Variants in OTOF observed in about 807,000 individuals in gnomAD.
OTOF encodes otoferlin.
In OTOF, 218 loss-of-function variants were observed where a neutral mutation model predicts 236.8. That is an observed-to-expected ratio of 0.92 (90% CI 0.82 to 1.03). The LOEUF is 1.03. Among genes scored for constraint, OTOF ranks in the 50% least tolerant of loss-of-function variants. The pLI, the probability that OTOF is intolerant of heterozygous loss-of-function variation, is 0.00. For synonymous variants in OTOF, 1,041 were observed against 1,072.5 expected (o/e 0.97, Z 0.57); for missense variants, 2,590 against 2,694.4 (o/e 0.96, Z 0.86).
At chr2:26,512,541 C>T (rs780422093) in intron 5 of OTOF, among the ~76,000 whole-genome samples, 5 of 152,198 alleles carry the variant, frequency 3.3e-5, no homozygotes, top group Non-Finnish European at 5.9e-5. Context: ...GAGAGTGGAG[C>T]GCCCATGAGG....
chr2:26,525,019 C>T (rs773866311), intron 3 of OTOF, among the ~76,000 whole-genome samples: 34 of 152,300 alleles, frequency 2.2e-4, no homozygotes, highest in Middle Eastern at 6.8e-3. Context: ...CCACTTGTTC[C>T]TGTTTCTCCT....
At chr2:26,459,167 G>A (rs1053522614) in intron 46 of OTOF, among the ~76,000 whole-genome samples, 24 of 152,186 alleles carry the variant, frequency 1.6e-4, no homozygotes, top group Non-Finnish European at 1.6e-4. Context: ...GGTCACACAC[G>A]GGTGAGAGCC....
intron 3 of OTOF, among the ~76,000 whole-genome samples, chr2:26,520,924 C>G (rs1251332823): frequency 1.3e-5 from 2 of 152,176 alleles, no homozygotes; most frequent in Non-Finnish European, 1.5e-5. Flanking sequence ...CTGGGATATC[C>G]TCTTCTGTGG....
At chr2:26,491,904 T>C (rs1665851916) in intron 9 of OTOF, among the ~76,000 whole-genome samples, 1 of 152,244 alleles carries the variant, frequency 6.6e-6, no homozygotes, top group South Asian at 2.1e-4. Context: ...TTCCTGTTAT[T>C]TCCTGAGCAT....
In OTOF at chr2:26,506,529, C is replaced by T. The variant is rs148762433; in HGVS notation, c.510-2684G>A. On this transcript the variant is annotated intron_variant, in intron 5 of 46. Coordinates refer to ENST00000272371, the MANE Select transcript of OTOF (RefSeq NM_194248.3). ...TGGGATCTGGCCCTGCTGCCTGAGT[C>T]CCGGGGGGAGTGCAAGGTAGCAAGA... is the stretch of plus-strand genomic sequence containing the variant. Among the ~76,000 whole-genome samples the T allele has an allele frequency of 3.3e-3, 501 of 152,318 alleles. 5 individuals carry two copies. Among genetic ancestry groups the T allele is most frequent in the Non-Finnish European group, 5.6e-3 (380 of 68,016 alleles).
At chr2:26,518,803 G>A (rs1666600575) in intron 4 of OTOF, among the ~76,000 whole-genome samples, 1 of 152,242 alleles carries the variant, frequency 6.6e-6, no homozygotes, top group South Asian at 2.1e-4. Flanking sequence ...CTACTGTGGG[G>A]CAGCAGACCC....
chr2:26,459,919 T>C, intron 46 of OTOF, 89 bp downstream of exon 46: 1 of 1,260,822 alleles, frequency 7.9e-7, no homozygotes, highest in South Asian at 1.3e-5. Context: ...TATGCATATT[T>C]GTGTTTGTGG....
chr2:26,551,236 C>T (rs903780074), intron 1 of OTOF, among the ~76,000 whole-genome samples: 1 of 152,248 alleles, frequency 6.6e-6, no homozygotes, highest in Non-Finnish European at 1.5e-5. Context: ...ATGATCCCCC[C>T]CGCCTTGGCC....
chr2:26,550,700 C>G (rs962835183), intron 1 of OTOF, among the ~76,000 whole-genome samples: 16 of 152,170 alleles, frequency 1.1e-4, no homozygotes, highest in South Asian at 2.1e-4. Context: ...CTGATCCCAG[C>G]GCCGCTCCTT....
chr2:26,479,258 C>A lies in OTOF; in HGVS notation c.2214+6G>T. 1 of 1,612,476 alleles carries A rather than the reference C, an allele frequency of 6.2e-7. No homozygotes were observed. Among genetic ancestry groups the A allele is most frequent in the Non-Finnish European group, 8.5e-7 (1 of 1,179,860 alleles). On this transcript the variant is annotated splice_donor_region_variant and intron_variant, in intron 18 of 46. Transcript: ENST00000272371. Reference sequence around the variant, plus strand: ...CACCCCTGCTGGCCCCTGGCCTGGCCCTGACCAGCTTGTCGGCAATGTGGT... The same window carrying A: ...CACCCCTGCTGGCCCCTGGCCTGGCACTGACCAGCTTGTCGGCAATGTGGT...
chr2:26,471,860 CATGCACAT>C (rs1172091380), intron 30 of OTOF, among the ~76,000 whole-genome samples: 2 of 151,542 alleles, frequency 1.3e-5, no homozygotes, highest in East Asian at 1.9e-4. Flanking sequence ...CACATGCACA[CATGCACAT>C]ATGCACACAA....
At position 26,460,125 on chromosome 2, in the gene OTOF, A is replaced by G. The variant is rs1423575353; in HGVS notation, c.5894T>C (p.Leu1965Pro). The G allele has an allele frequency of 6.3e-7, 1 of 1,596,414 alleles. No individual in the cohort carries two copies. The highest frequency in any genetic ancestry group is 8.5e-7 in the Non-Finnish European group (1 of 1,171,790). ...CAGGAGCAGCAACAGTTTGAGGAGC[A>G]GCCAGCGATACGTGTGCCACAAGAA... ...RYFLWHTYRW[L>P]LLKLLLLLLL... is the part of the protein sequence containing the mutation. Residue 1965 changes from leucine (L) to proline (P), a missense_variant, in exon 46 of 47, where the codon CTG becomes CCG. Leu to Pro is a moderately conservative substitution (Grantham distance 98). This residue lies in a region of OTOF where 1,211 missense variants were observed against 1,352.8 expected (regional missense o/e 0.90). Transcript: ENST00000272371. This position sits in a 1 kb window ranked among gnomAD's most constrained non-coding sequence, Gnocchi z 5.3.
In OTOF at chr2:26,462,078, C is replaced by T. The variant is rs578223031; in HGVS notation, c.5291+5G>A. On this transcript the variant is annotated splice_donor_5th_base_variant and intron_variant, in intron 42 of 46. Transcript: ENST00000272371. This position sits in a 1 kb window ranked among gnomAD's most constrained non-coding sequence, Gnocchi z 4.7. ...GTCCCTCCCATGCAGGGACTGCTCA[C>T]CCACCCCCTCACGAAGATGTCACTG... is the stretch of plus-strand genomic sequence containing the variant. The T allele has an allele frequency of 4.0e-5, 64 of 1,606,180 alleles. No individual in the cohort carries two copies. The South Asian group carries it at 6.6e-4, about 17-fold the overall frequency.
In OTOF at chr2:26,463,403, C is replaced by G. The variant is rs529900033; in HGVS notation, c.5192+80G>C. ...GCCAAGGCCATCTGGACCTGAGCCCCCCGCAGGAAGGGTTGGGCCGTGGTG... is the reference window on the plus strand; with the variant it reads ...GCCAAGGCCATCTGGACCTGAGCCCGCCGCAGGAAGGGTTGGGCCGTGGTG... On this transcript the variant is annotated intron_variant, in intron 41 of 46. Coordinates refer to ENST00000272371, the MANE Select transcript of OTOF (RefSeq NM_194248.3). The G allele has an allele frequency of 4.3e-4, 521 of 1,211,408 alleles. 5 individuals are homozygous for G. The East Asian group carries it at 0.012, about 29-fold the overall frequency. 75.0% of individuals were successfully genotyped at this position (1,211,408 alleles called of 1,614,324 possible). A position where few individuals can be genotyped will look rare whatever the true frequency, so the allele number is the denominator to read the frequency against.
rs886055878 is a variant in OTOF at position 26,480,773 on chromosome 2, C to T, written c.1803+13G>A. 1 of 1,606,202 alleles carries T rather than the reference C, an allele frequency of 6.2e-7. No homozygotes were observed. Among genetic ancestry groups the T allele is most frequent in the Non-Finnish European group, 8.5e-7 (1 of 1,175,886 alleles). On this transcript the variant is annotated intron_variant, in intron 15 of 46. Transcript: ENST00000272371. ...GGAGGCCCTGGGGGACAGCACAGTGCCTGGGGTCTCACCTCCGAGATGGGC... is the reference window on the plus strand; with the variant it reads ...GGAGGCCCTGGGGGACAGCACAGTGTCTGGGGTCTCACCTCCGAGATGGGC...
intron 2 of OTOF, among the ~76,000 whole-genome samples, chr2:26,535,076 G>A (rs1446864052): frequency 1.3e-5 from 2 of 152,220 alleles, no homozygotes; most frequent in African/African-American, 4.8e-5. Flanking sequence ...TGGGAGGGTG[G>A]CCTTCCTGCT....
chr2:26,542,363 C>T (rs758309556), intron 1 of OTOF, among the ~76,000 whole-genome samples: 5 of 152,106 alleles, frequency 3.3e-5, no homozygotes, highest in Admixed American at 2.0e-4. Flanking sequence ...TAAGATCATT[C>T]GAATCTGAAC....
rs1339625779 is a variant in OTOF at position 26,462,023 on chromosome 2, C to T, written c.5291+60G>A. 6.2e-6 allele frequency: 10 copies of T among 1,611,474 alleles called. No homozygotes were observed. Among genetic ancestry groups the T allele is most frequent in the East Asian group, 2.2e-5 (1 of 44,866 alleles). On this transcript the variant is annotated intron_variant, in intron 42 of 46. Coordinates refer to ENST00000272371, the MANE Select transcript of OTOF (RefSeq NM_194248.3). This position sits in a 1 kb window ranked among gnomAD's most constrained non-coding sequence, Gnocchi z 4.7. ...CACCTTCCCTCTGCCTCCTCTCCTGCCCCCCGGGAAGCAAGCCCCACCCAG... is the reference window on the plus strand; with the variant it reads ...CACCTTCCCTCTGCCTCCTCTCCTGTCCCCCGGGAAGCAAGCCCCACCCAG...
chr2:26,460,685 G>A lies in OTOF; in HGVS notation c.5775C>T (p.Gly1925=). 6.2e-7 allele frequency: 1 copy of A among 1,614,146 alleles called. No homozygotes were observed. ...GGGGGTCAGGTTCATTGCGGGCCAG[G>A]CCCACTGGGTTCTTCTCTGCCTCCT... ...TAEEAEKNPV[G]LARNEPDPLE... The change falls in exon 45 of 47, where the codon GGC becomes GGT. Residue 1925 remains glycine (G), a synonymous_variant. Coordinates refer to ENST00000272371, the MANE Select transcript of OTOF (RefSeq NM_194248.3). The surrounding 1 kb of genome is among the most constrained non-coding windows in gnomAD (Gnocchi z 5.3).
Sources: allele counts gnomAD v4.1 joint callset (sites outside exome capture counted in the v4.1 genomes callset), GRCh38; gene constraint gnomAD v4.1.1; regional missense constraint gnomAD v4.1.1; non-coding constraint Gnocchi (gnomAD v3.1); transcripts MANE v1.5; gene names NCBI Gene and HGNC (gene_info 2026-07-23, HGNC 2026-07-21).